The following GLB1 variants were observed in gnomAD, a reference collection of about 807,000 sequenced individuals.
GLB1 encodes beta-galactosidase.
Under a neutral mutation model 74.0 loss-of-function variants are expected in GLB1, and 56 were observed. That is an observed-to-expected ratio of 0.76 (90% CI 0.61 to 0.94). The LOEUF (loss-of-function observed/expected upper bound fraction) is 0.94, where lower values mean the gene tolerates loss of function less well. GLB1 is among the 40% of genes least tolerant of loss of function. GLB1 has a pLI of 0.00. For missense variants in GLB1, 787 were observed against 845.5 expected, an observed-to-expected ratio of 0.93 and a Z score of 0.86; for synonymous variants, 323 against 323.6, an observed-to-expected ratio of 1.00 and a Z score of 0.02.
In GLB1 at chr3:33,018,541, G is replaced by C. The variant is rs1697338499; in HGVS notation, c.1254C>G (p.Tyr418Ter). 6.2e-7 allele frequency: 1 copy of C among 1,613,990 alleles called. No individual in the cohort carries two copies. The highest frequency in any genetic ancestry group is 1.1e-5 in the South Asian group (1 of 91,082). ...QVKQHYGFVL[Y>*]RTTLPQDCSN... is the part of the protein sequence containing the mutation. ...TGCAATCTTGAGGAAGTGTTGTCCG[G>C]TACAGCACAAACCCATAATGCTGGT... The change falls in exon 13 of 16, where the codon TAC (tyrosine) becomes TAG (stop). Residue 418 changes from tyrosine (Y) to a stop codon, truncating the protein, a stop_gained. Coordinates refer to ENST00000307363, the MANE Select transcript of GLB1 (RefSeq NM_000404.4). LOFTEE classifies it high-confidence loss of function.
intron 1 of GLB1, chr3:33,096,665 G>A: frequency 8.9e-7 from 1 of 1,126,458 alleles, no homozygotes; most frequent in Non-Finnish European, 1.1e-6. Context: ...CCTCTAACCC[G>A]CGCAACTTGG....
intron 1 of GLB1, chr3:33,096,667 G>GC: frequency 8.9e-7 from 1 of 1,128,984 alleles, no homozygotes; most frequent in Non-Finnish European, 1.1e-6. Context: ...TCTAACCCGC[G>GC]CAACTTGGAA....
chr3:32,963,153 A>G, the GLB1 span, among the ~76,000 whole-genome samples: 6 of 152,210 alleles, frequency 3.9e-5, no homozygotes, highest in Non-Finnish European at 7.4e-5. Context: ...AATTTAGTGC[A>G]TATTAAAGAT....
At chr3:32,968,919 A>G in the GLB1 span, among the ~76,000 whole-genome samples, 1 of 152,242 alleles carries the variant, frequency 6.6e-6, no homozygotes, top group Non-Finnish European at 1.5e-5. Flanking sequence ...CCTTGTTTTA[A>G]AGCACTAGCT....
At chr3:32,971,029 G>C in the GLB1 span, among the ~76,000 whole-genome samples, 2 of 152,204 alleles carry the variant, frequency 1.3e-5, no homozygotes, top group East Asian at 3.8e-4. Flanking sequence ...TTTGACACAA[G>C]AGAGGCTTAG....
At chr3:33,045,250 T>A in intron 10 of GLB1, 3 of 731,662 alleles carry the variant, frequency 4.1e-6, no homozygotes, top group Non-Finnish European at 5.0e-6. Context: ...TCACTCTTTT[T>A]TTTTTTTAGG....
chr3:33,085,123 A>C (rs1465735183), intron 1 of GLB1, among the ~76,000 whole-genome samples: 2 of 152,068 alleles, frequency 1.3e-5, no homozygotes, highest in African/African-American at 4.8e-5. Flanking sequence ...AATAAACAAA[A>C]GTTAGCTGGG....
chr3:33,038,701 C>T (rs4998983), intron 10 of GLB1, among the ~76,000 whole-genome samples: 105,999 of 151,890 alleles, frequency 0.7, 37,699 homozygotes, highest in Middle Eastern at 0.83. Context: ...GAGATCAGAA[C>T]GGAGAAAGAA....
intron 1 of GLB1, among the ~76,000 whole-genome samples, chr3:33,087,090 A>G (rs1482055973): frequency 6.6e-6 from 1 of 152,168 alleles, no homozygotes; most frequent in Non-Finnish European, 1.5e-5. Flanking sequence ...AGGGGACATT[A>G]TAACTGATGA....
At chr3:33,047,212 T>C (rs951189718) in intron 9 of GLB1, among the ~76,000 whole-genome samples, 2 of 152,148 alleles carry the variant, frequency 1.3e-5, no homozygotes, top group African/African-American at 2.4e-5. Context: ...ATGCCAACAC[T>C]GAGTATACAA....
At chr3:33,083,029 C>T (rs137880757) in intron 1 of GLB1, among the ~76,000 whole-genome samples, 274 of 152,186 alleles carry the variant, frequency 1.8e-3, no homozygotes, top group African/African-American at 6.1e-3. Flanking sequence ...TCAAAAGTTA[C>T]GGACCTAAAA....
At chr3:33,000,524 C>T (rs1437581724) in intron 15 of GLB1, among the ~76,000 whole-genome samples, 1 of 152,064 alleles carries the variant, frequency 6.6e-6, no homozygotes, top group African/African-American at 2.4e-5. Flanking sequence ...GTCAGGAGTT[C>T]GAGACCAGCC....
chr3:33,079,241 T>C (rs1220653793), intron 1 of GLB1, among the ~76,000 whole-genome samples: 2 of 152,194 alleles, frequency 1.3e-5, no homozygotes, highest in African/African-American at 4.8e-5. Flanking sequence ...TGGTAATTAA[T>C]ATTCCATAGC....
At chr3:32,965,728 G>A in the GLB1 span, among the ~76,000 whole-genome samples, 1 of 152,196 alleles carries the variant, frequency 6.6e-6, no homozygotes, top group Non-Finnish European at 1.5e-5. Flanking sequence ...TTACAGGCCT[G>A]GAGGCCTAGG....
At chr3:33,082,880 A>G (rs186745886) in intron 1 of GLB1, among the ~76,000 whole-genome samples, 2 of 152,262 alleles carry the variant, frequency 1.3e-5, no homozygotes, top group Admixed American at 1.3e-4. Context: ...CTGAAACAAA[A>G]ACCTAGAAAA....
chr3:33,062,369 T>G (rs1428024753), intron 5 of GLB1, among the ~76,000 whole-genome samples: 4 of 152,144 alleles, frequency 2.6e-5, no homozygotes, highest in Non-Finnish European at 5.9e-5. Flanking sequence ...AGTTTCACTA[T>G]GTTGCCCAGG....
At chr3:32,986,985 G>C in the GLB1 span, among the ~76,000 whole-genome samples, 32 of 152,328 alleles carry the variant, frequency 2.1e-4, no homozygotes, top group Middle Eastern at 3.4e-3. Flanking sequence ...GACAGCAGAT[G>C]CTGATGATGC....
intron 10 of GLB1, among the ~76,000 whole-genome samples, chr3:33,031,667 A>G (rs1698044140): frequency 7.6e-6 from 1 of 130,992 alleles, no homozygotes; most frequent in Non-Finnish European, 1.6e-5. Flanking sequence ...ATATATATAT[A>G]TATATATAAT....
chr3:33,093,995 T>C lies in GLB1; in HGVS notation c.75+3016A>G, dbSNP rs1364680281. 2.5e-6 allele frequency: 4 copies of C among 1,614,058 alleles called. No individual in the cohort carries two copies. The African/African-American group carries it at 4.0e-5, about 16-fold the overall frequency. On this transcript the variant is annotated intron_variant, in intron 1 of 15. Transcript: ENST00000307363. The surrounding 1 kb of genome is among the most constrained non-coding windows in gnomAD (Gnocchi z 6.0). ...CTGGGGAGTGGCAGAGGTTGCTCAC[T>C]GTGCTGCGCCAAATGTAGAGGGAGC...
Sources: allele counts gnomAD v4.1 joint callset (sites outside exome capture counted in the v4.1 genomes callset), GRCh38; gene constraint gnomAD v4.1.1; non-coding constraint Gnocchi (gnomAD v3.1); transcripts MANE v1.5; gene names NCBI Gene and HGNC (gene_info 2026-07-23, HGNC 2026-07-21).